Variants in HYI observed in about 807,000 individuals in gnomAD.
HYI encodes hydroxypyruvate isomerase (putative), also known as putative hydroxypyruvate isomerase.
HYI carries 47 observed loss-of-function variants against 39.7 expected under a neutral mutation model. That is an observed-to-expected ratio of 1.18 (90% CI 0.94 to 1.51). HYI has a LOEUF of 1.51. Among genes scored for constraint, HYI ranks in the 40% most tolerant of loss-of-function variants. The pLI is 0.00. For synonymous variants in HYI, 186 were observed against 158.8 expected, an observed-to-expected ratio of 1.17 and a Z score of -1.29; for missense variants, 465 against 370.3, an observed-to-expected ratio of 1.26 and a Z score of -2.10.
At chr1:43,450,859 C>G, downstream of HYI, 1 of 718,894 alleles carries the variant, frequency 1.4e-6, no homozygotes, top group Non-Finnish European at 2.6e-6. This position sits in a 1 kb window ranked among gnomAD's most constrained non-coding sequence, Gnocchi z 4.3. Context: ...CTGTCAGCCA[C>G]CTGTGTCCCT....
chr1:43,452,517 C>G, intron 2 of HYI, 198 bp from the exon 3 acceptor site: 1 of 674,186 alleles, frequency 1.5e-6, no homozygotes, highest in Non-Finnish European at 2.7e-6. Flanking sequence ...CCAGACATCT[C>G]AGTGTCCACC....
At position 43,451,227 on chromosome 1, in the gene HYI, T is replaced by G. The variant is rs1055598835; in HGVS notation, c.*11A>C. On this transcript the variant is annotated 3_prime_UTR_variant, in exon 8 of 8. Coordinates refer to ENST00000372430, the MANE Select transcript of HYI (RefSeq NM_001190880.3). Reference sequence around the variant, plus strand: ...TCGCTGTCTGGAGGCACGTGGGTGGTGTGCGGGCCCTCACTGGCCAGCCTC... The same window carrying G: ...TCGCTGTCTGGAGGCACGTGGGTGGGGTGCGGGCCCTCACTGGCCAGCCTC... The G allele has an allele frequency of 1.3e-5, 21 of 1,613,648 alleles. No individual in the cohort carries two copies. Among genetic ancestry groups the G allele is most frequent in the Non-Finnish European group, 1.7e-5 (20 of 1,179,692 alleles).
In HYI at chr1:43,453,585, C is replaced by T. The variant is rs973352180; in HGVS notation, c.199+10G>A. ...CCCAGCCCTCCCAGCCCTCCCGGCC[C>T]GCGACGCACCCGGGGGCGTGTTGAT... is the stretch of plus-strand genomic sequence containing the variant. On this transcript the variant is annotated intron_variant, in intron 1 of 7. Coordinates refer to ENST00000372430, the MANE Select transcript of HYI (RefSeq NM_001190880.3). 218 of 1,520,624 alleles carry T rather than the reference C, an allele frequency of 1.4e-4. No individual in the cohort carries two copies. Among genetic ancestry groups the T allele is most frequent in the Non-Finnish European group, 1.8e-4 (207 of 1,133,500 alleles). 94.2% of individuals were successfully genotyped at this position (1,520,624 alleles called of 1,614,324 possible). A position where few individuals can be genotyped will look rare whatever the true frequency, so the allele number is the denominator to read the frequency against.
At chr1:43,452,459 C>T in intron 2 of HYI, 140 bp from the exon 3 acceptor site, 1 of 733,056 alleles carries the variant, frequency 1.4e-6, no homozygotes, top group Non-Finnish European at 2.5e-6. Context: ...CCAGGTATCC[C>T]AGCACTTTCA....
At chr1:43,453,063 T>C in intron 2 of HYI, 1 of 1,034,468 alleles carries the variant, frequency 9.7e-7, no homozygotes. Flanking sequence ...CAGACAGGGT[T>C]AGGTGCCTAC....
rs1021834590 is a variant in HYI, at chr1:43,451,724, A to G, written c.556-7T>C. The G allele has an allele frequency of 2.5e-6, 4 of 1,613,940 alleles. No individual in the cohort carries two copies. The highest frequency in any genetic ancestry group is 1.3e-5 in the African/African-American group (1 of 74,916). ...TCTGCCAGTGGAATATGTCCTAGGG[A>G]AGAGGATACTACATTCCGAGACCCC... On this transcript the variant is annotated splice_polypyrimidine_tract_variant and splice_region_variant and intron_variant, in intron 5 of 7. Coordinates refer to ENST00000372430, the MANE Select transcript of HYI (RefSeq NM_001190880.3).
intron 3 of HYI, 21 bp downstream of exon 3, chr1:43,452,184 G>A: frequency 1.3e-6 from 2 of 1,587,818 alleles, no homozygotes; most frequent in Non-Finnish European, 1.7e-6. Context: ...GTAAGTACGT[G>A]TGTGTTTCCA....
In HYI at chr1:43,451,247, A is replaced by G. The variant is rs1656364517; in HGVS notation, c.825T>C (p.Ala275=). The G allele has an allele frequency of 6.2e-7, 1 of 1,613,878 alleles. No homozygotes were observed. The highest frequency in any genetic ancestry group is 8.5e-7 in the Non-Finnish European group (1 of 1,180,036). ...SYWDRRGHPE[A]GQ ...GGTGGTGTGCGGGCCCTCACTGGCC[A>G]GCCTCTGGGTGGCCCCGCCTATCCC... The change falls in exon 8 of 8, where the codon GCT becomes GCC. Residue 275 remains alanine, a synonymous_variant. Coordinates refer to ENST00000372430, the MANE Select transcript of HYI (RefSeq NM_001190880.3).
chr1:43,451,499 C>T lies in HYI; in HGVS notation c.671G>A (p.Ser224Asn). 2 of 1,614,156 alleles carry T rather than the reference C, an allele frequency of 1.2e-6. No homozygotes were observed. Among genetic ancestry groups the T allele is most frequent in the Non-Finnish European group, 1.7e-6 (2 of 1,180,042 alleles). ...ATAGGGGAAATTCAGCTCTCCGGGG[C>T]TGCTGGGCTCCCCTCGGCCTGGGAC... is the stretch of plus-strand genomic sequence containing the variant. ...AQVPGRGEPS[S>N]PGELNFPYLF... Residue 224 changes from serine to asparagine, a missense_variant, in exon 7 of 8, where the codon AGC (serine) becomes AAC (asparagine). Ser to Asn is a conservative substitution (Grantham distance 46). Coordinates refer to ENST00000372430, the MANE Select transcript of HYI (RefSeq NM_001190880.3).
At chr1:43,452,682 C>T (rs1254512415) in intron 2 of HYI, 6 of 605,454 alleles carry the variant, frequency 9.9e-6, no homozygotes, top group Non-Finnish European at 1.8e-5. Flanking sequence ...TTCCTCTCCT[C>T]GCATCTACTT....
rs753631450 is a variant in HYI at position 43,453,726 on chromosome 1, C to G, written c.68G>C (p.Arg23Pro). The change falls in exon 1 of 8, where the codon CGG becomes CCG. Residue 23 changes from arginine (R) to proline (P), a missense_variant. By Grantham distance (103) the Arg-to-Pro change is moderately radical. Coordinates refer to ENST00000372430, the MANE Select transcript of HYI (RefSeq NM_001190880.3). ...LFPELSGLPA[R>P]VRAAGSSGFE... ...GCCCGAGCTGCCCGCGGCCCGCACC[C>G]GCGCGGGGAGGCCGGAGAGCTCGGG... 1.4e-6 allele frequency: 2 copies of G among 1,390,006 alleles called. No homozygotes were observed. Among genetic ancestry groups the G allele is most frequent in the South Asian group, 3.3e-5 (2 of 61,212 alleles). 86.1% of individuals were successfully genotyped at this position (1,390,006 alleles called of 1,614,324 possible). A position where few individuals can be genotyped will look rare whatever the true frequency, so the allele number is the denominator to read the frequency against.
chr1:43,452,285 C>CT lies in HYI; in HGVS notation c.345dup (p.Ala116SerfsTer2). The CT allele has an allele frequency of 6.2e-7, 1 of 1,614,094 alleles. No homozygotes were observed. Among genetic ancestry groups the CT allele is most frequent in the Non-Finnish European group, 8.5e-7 (1 of 1,179,974 alleles). ...TCAGCCTTGACTGCTATTCGATCAG[C>CT]TCCCTGGGGTACTCGGCCAGCCATC... On this transcript the variant is annotated frameshift_variant, in exon 3 of 8. Coordinates refer to ENST00000372430, the MANE Select transcript of HYI (RefSeq NM_001190880.3). LOFTEE classifies it high-confidence loss of function.
rs759361776 is a variant in HYI, at chr1:43,452,300, G to A, written c.331C>T (p.Arg111Ter). The A allele has an allele frequency of 8.7e-6, 14 of 1,613,800 alleles. No individual in the cohort carries two copies. The highest frequency in any genetic ancestry group is 5.3e-5 in the African/African-American group (4 of 74,916). Residue 111 changes from arginine to a stop codon, truncating the protein, a stop_gained, in exon 3 of 8, where the codon CGA becomes TGA. Transcript: ENST00000372430. LOFTEE classifies it high-confidence loss of function. ...GCPRIHLMAGRVPQGADRIAV... is the reference protein window; with the variant it reads ...GCPRIHLMAG ...ATTCGATCAGCTCCCTGGGGTACTC[G>A]GCCAGCCATCAGGTGGATCCTGTGG...
chr1:43,451,309 C>G lies in HYI; in HGVS notation c.763G>C (p.Asp255His). 6.2e-7 allele frequency: 1 copy of G among 1,613,902 alleles called. No individual in the cohort carries two copies. The highest frequency in any genetic ancestry group is 8.5e-7 in the Non-Finnish European group (1 of 1,180,016). ...AGCCAACTCAAGCCCTCTACTGTGT[C>G]TCCTGCAGGGAGAGGGAGGCCTCGG... ...FVGCEYQPRGDTVEGLSWLRS... is the reference protein window; with the variant it reads ...FVGCEYQPRGHTVEGLSWLRS... Residue 255 changes from aspartate (D) to histidine (H), a missense_variant and splice_region_variant, in exon 8 of 8, where the codon GAC becomes CAC. By Grantham distance (81) the Asp-to-His change is moderately conservative. Transcript: ENST00000372430.
At chr1:43,451,896 T>C in intron 4 of HYI, 39 bp downstream of exon 4, 1 of 1,613,578 alleles carries the variant, frequency 6.2e-7, no homozygotes, top group Admixed American at 1.7e-5. Flanking sequence ...AGCACAGGAA[T>C]CAAAAGGGAC....
At position 43,453,889 on chromosome 1, in the gene HYI, C is replaced by T; in HGVS notation, c.-96G>A. The T allele has an allele frequency of 1.6e-6, 2 of 1,223,346 alleles. No homozygotes were observed. Among genetic ancestry groups the T allele is most frequent in the Non-Finnish European group, 2.0e-6 (2 of 984,178 alleles). The allele number at this position is 1,223,346 out of a possible 1,614,324, so 75.8% of individuals were successfully genotyped here. A position where few individuals can be genotyped will look rare whatever the true frequency, so the allele number is the denominator to read the frequency against. Reference sequence around the variant, plus strand: ...GCGGGGGCGGGGCTCTCCTTGCTGGCCCTGCGAACGAACGAGCACTGTTCG... The same window carrying T: ...GCGGGGGCGGGGCTCTCCTTGCTGGTCCTGCGAACGAACGAGCACTGTTCG... On this transcript the variant is annotated 5_prime_UTR_variant, in exon 1 of 8. Transcript: ENST00000372430.
Position 43,453,820 on chromosome 1 carries a change from T to C in HYI, c.-27A>G. 1.6e-6 allele frequency: 2 copies of C among 1,231,006 alleles called. No homozygotes were observed. Among genetic ancestry groups the C allele is most frequent in the Non-Finnish European group, 2.0e-6 (2 of 989,914 alleles). The allele number at this position is 1,231,006 out of a possible 1,614,324, so 76.3% of individuals were successfully genotyped here. A position where few individuals can be genotyped will look rare whatever the true frequency, so the allele number is the denominator to read the frequency against. On this transcript the variant is annotated 5_prime_UTR_variant, in exon 1 of 8. Coordinates refer to ENST00000372430, the MANE Select transcript of HYI (RefSeq NM_001190880.3). ...CCTGGGGAGGCCGGGCCGGGCGGAGTCCGCGGGATCCAAAGGCGGCGGGCG... is the reference window on the plus strand; with the variant it reads ...CCTGGGGAGGCCGGGCCGGGCGGAGCCCGCGGGATCCAAAGGCGGCGGGCG...
intron 2 of HYI, chr1:43,452,723 C>T: frequency 1.6e-6 from 1 of 636,058 alleles, no homozygotes; most frequent in Non-Finnish European, 2.8e-6. Context: ...CTGCCCCCAC[C>T]ATTGACCAGT....
At chr1:43,451,759 G>C in intron 5 of HYI, 39 bp downstream of exon 5, 1 of 1,613,610 alleles carries the variant, frequency 6.2e-7, no homozygotes, top group Non-Finnish European at 8.5e-7. Flanking sequence ...CGCAGGCCCC[G>C]CCCTCCTTCC....
Sources: gnomAD v4.1 joint callset for allele counts on GRCh38, gnomAD v4.1.1 for gene constraint, Gnocchi (gnomAD v3.1) non-coding constraint, MANE v1.5 for transcripts, NCBI Gene and HGNC (gene_info 2026-07-23, HGNC 2026-07-21) for gene names.